Variants in SAMMSON observed in about 807,000 individuals in gnomAD.
The protein encoded by SAMMSON is long intergenic non-protein coding RNA 1212.
intron 2 of SAMMSON, among the ~76,000 whole-genome samples, chr3:70,423,793 A>G (rs1024936603): frequency 6.6e-6 from 1 of 152,206 alleles, no homozygotes; most frequent in South Asian, 2.1e-4. Flanking sequence ...GGAAATGTTT[A>G]TAAGTGTTCT....
At chr3:70,285,225 A>C (rs1289649931) in intron 6 of SAMMSON, among the ~76,000 whole-genome samples, 2 of 107,890 alleles carry the variant, frequency 1.9e-5, no homozygotes. Flanking sequence ...ACCCCACAAC[A>C]GTCCCCAGAG....
Position 70,226,689 on chromosome 3 carries a change from T to C in SAMMSON, n.508-22418T>C, listed in dbSNP as rs939554978. Among the ~76,000 whole-genome samples, 9 of 146,644 alleles carry C rather than the reference T, an allele frequency of 6.1e-5. No individual in the cohort carries two copies. The East Asian group carries it at 1.8e-3, about 30-fold the overall frequency. ...GGAAGCGGAGGTTGCAGTGAGCCGA[T>C]ATCGTGCCACTCCACTCCAGCCTGG... On this transcript the variant is annotated intron_variant and non_coding_transcript_variant, in intron 4 of 9. Transcript: ENST00000642114.
intron 7 of SAMMSON, among the ~76,000 whole-genome samples, chr3:70,346,082 C>T (rs1476433310): frequency 6.6e-6 from 1 of 152,156 alleles, no homozygotes; most frequent in African/African-American, 2.4e-5. Context: ...GGTTGAACCA[C>T]TCTGTGTTCC....
chr3:70,100,533 G>GAAAAAAAAA lies in SAMMSON; in HGVS notation n.507+28970_507+28971insAAAAAAAAA, dbSNP rs143471172. ...GAAAGAGTGGGGGGGGGGGGGGGGGGAAGCACCAAATGTAGTTTTCTGAAG... is the reference window on the plus strand; with the variant it reads ...GAAAGAGTGGGGGGGGGGGGGGGGGGAAAAAAAAAAAGCACCAAATGTAGTTTTCTGAAG... On this transcript the variant is annotated intron_variant and non_coding_transcript_variant, in intron 4 of 9. Transcript: ENST00000642114. 4.2e-4 allele frequency among the ~76,000 whole-genome samples: 63 copies of GAAAAAAAAA among 149,450 alleles called. 3 individuals are homozygous for GAAAAAAAAA. The highest frequency in any genetic ancestry group is 3.5e-3 in the East Asian group (18 of 5,082).
intron 6 of SAMMSON, among the ~76,000 whole-genome samples, chr3:70,288,901 C>A (rs1416109068): frequency 6.0e-5 from 9 of 149,298 alleles, no homozygotes; most frequent in East Asian, 2.0e-4. Flanking sequence ...TTTTTGTTTT[C>A]CATTTGCTTG....
chr3:70,252,506 C>T (rs1024338724), intron 6 of SAMMSON, among the ~76,000 whole-genome samples: 35 of 151,990 alleles, frequency 2.3e-4, no homozygotes, highest in African/African-American at 8.0e-4. Context: ...AAGTTACAAA[C>T]GTGATTCAAG....
chr3:70,137,377 T>A (rs953776725), intron 4 of SAMMSON, among the ~76,000 whole-genome samples: 1 of 152,214 alleles, frequency 6.6e-6, no homozygotes, highest in African/African-American at 2.4e-5. Flanking sequence ...GTTTATGAGC[T>A]AAGAATGGCG....
chr3:70,317,217 T>G (rs147440638), intron 7 of SAMMSON, among the ~76,000 whole-genome samples: 1 of 152,172 alleles, frequency 6.6e-6, no homozygotes, highest in African/African-American at 2.4e-5. Flanking sequence ...TACACAGGCT[T>G]ACAGGCATAT....
intron 6 of SAMMSON, among the ~76,000 whole-genome samples, chr3:70,252,122 T>C (rs529600679): frequency 6.6e-6 from 1 of 152,340 alleles, no homozygotes; most frequent in East Asian, 1.9e-4. Context: ...TCAGCTCATA[T>C]AGATCTGAAA....
intron 7 of SAMMSON, among the ~76,000 whole-genome samples, chr3:70,339,688 T>G (rs184925376): frequency 6.4e-4 from 97 of 152,020 alleles, no homozygotes; most frequent in African/African-American, 2.3e-3. Flanking sequence ...GAAATGCAAA[T>G]CAAAACCACA....
intron 9 of SAMMSON, among the ~76,000 whole-genome samples, chr3:70,368,554 A>C (rs1285211677): frequency 1.3e-5 from 2 of 151,624 alleles, no homozygotes; most frequent in Non-Finnish European, 3.0e-5. Flanking sequence ...TATTTGTGTA[A>C]AGGTAAAATC....
chr3:70,127,885 G>A (rs6774834), intron 4 of SAMMSON: 10,995 of 152,160 alleles, frequency 0.072, 538 homozygotes, highest in Non-Finnish European at 0.11. Flanking sequence ...AAAGTAGTCC[G>A]CCTGCCTTGG....
chr3:70,033,547 C>A (rs1012527982), intron 3 of SAMMSON, among the ~76,000 whole-genome samples: 3 of 152,004 alleles, frequency 2.0e-5, no homozygotes, highest in Admixed American at 2.0e-4. Flanking sequence ...CTTGAAAAAC[C>A]GTATGAGACA....
chr3:70,010,232 C>A (rs6775820), intron 1 of SAMMSON, among the ~76,000 whole-genome samples: 5,172 of 151,146 alleles, frequency 0.034, 257 homozygotes, highest in African/African-American at 0.11. Flanking sequence ...TAATGTTGAC[C>A]GTGGGGTGTT....
intron 7 of SAMMSON, among the ~76,000 whole-genome samples, chr3:70,294,728 C>T (rs1424387869): frequency 6.6e-6 from 1 of 152,086 alleles, no homozygotes; most frequent in Non-Finnish European, 1.5e-5. Flanking sequence ...ATCAATGGCA[C>T]AACACCACTT....
At chr3:70,200,812 T>G (rs1701229779) in intron 4 of SAMMSON, among the ~76,000 whole-genome samples, 1 of 152,178 alleles carries the variant, frequency 6.6e-6, no homozygotes, top group Non-Finnish European at 1.5e-5. Flanking sequence ...AGGGATTGTT[T>G]CTGACTGTCC....
intron 4 of SAMMSON, among the ~76,000 whole-genome samples, chr3:70,201,150 GT>G (rs1202523766): frequency 1.3e-5 from 2 of 152,018 alleles, no homozygotes; most frequent in East Asian, 3.9e-4. Flanking sequence ...CATCACCCAG[GT>G]ATTAAGTCTA....
chr3:70,408,236 G>A (rs1166533253), intron 2 of SAMMSON, among the ~76,000 whole-genome samples: 10 of 152,224 alleles, frequency 6.6e-5, no homozygotes, highest in African/African-American at 1.9e-4. Context: ...AACATGCCCT[G>A]GAGACATTTT....
chr3:70,151,697 G>T (rs1489961758), intron 4 of SAMMSON, among the ~76,000 whole-genome samples: 1 of 151,928 alleles, frequency 6.6e-6, no homozygotes, highest in Non-Finnish European at 1.5e-5. Context: ...TAAGATAAAT[G>T]TAAGAAAAAA....
Sources: allele counts gnomAD v4.1 joint callset (sites outside exome capture counted in the v4.1 genomes callset), GRCh38; gene constraint gnomAD v4.1.1; transcripts MANE v1.5; gene names NCBI Gene and HGNC (gene_info 2026-07-23, HGNC 2026-07-21).